TOGARAM1: variants seen among roughly 807,000 people sequenced by gnomAD.
TOGARAM1 encodes the protein TOG array regulator of axonemal microtubules 1.
Under a neutral mutation model 166.6 loss-of-function variants are expected in TOGARAM1, and 100 were observed. The ratio of observed to expected loss-of-function variants is 0.60; its 90% CI spans 0.51 to 0.71. The LOEUF (loss-of-function observed/expected upper bound fraction) is 0.71, where lower values mean the gene tolerates loss of function less well. Among genes scored for constraint, TOGARAM1 ranks in the 30% least tolerant of loss-of-function variants. The probability of loss-of-function intolerance (pLI) is 0.00; values close to 1 mark genes in which losing one functional copy is unlikely to be tolerated. For missense variants in TOGARAM1, 2,029 were observed against 2,102.7 expected (o/e 0.96, Z 0.69); for synonymous variants, 758 against 763.8 (o/e 0.99, Z 0.13).
At chr14:44,969,110 T>TTCCTTCCTTCC in intron 1 of TOGARAM1, among the ~76,000 whole-genome samples, 1 of 139,210 alleles carries the variant, frequency 7.2e-6, no homozygotes, top group African/African-American at 2.9e-5. Context: ...TCTTTCTTTC[T>TTCCTTCCTTCC]TTCCTTCCTT....
intron 1 of TOGARAM1, among the ~76,000 whole-genome samples, chr14:44,975,742 C>G (rs1886146397): frequency 6.7e-6 from 1 of 149,850 alleles, no homozygotes; most frequent in Non-Finnish European, 1.5e-5. Flanking sequence ...GCTGGGATTA[C>G]AGATGTGAGC....
chr14:44,966,860 T>G (rs1041579691), intron 1 of TOGARAM1, among the ~76,000 whole-genome samples: 1 of 152,008 alleles, frequency 6.6e-6, no homozygotes, highest in Non-Finnish European at 1.5e-5. Context: ...GAGGCTGAAG[T>G]GGGAGGATTG....
At chr14:45,002,367 G>C (rs1440020160) in intron 3 of TOGARAM1, among the ~76,000 whole-genome samples, 3 of 152,124 alleles carry the variant, frequency 2.0e-5, no homozygotes, top group Non-Finnish European at 4.4e-5. Context: ...TTAGTGTTTA[G>C]TCATATTGCA....
intron 1 of TOGARAM1, among the ~76,000 whole-genome samples, chr14:44,978,622 T>C (rs1218749378): frequency 6.6e-6 from 1 of 151,796 alleles, no homozygotes; most frequent in Non-Finnish European, 1.5e-5. Flanking sequence ...CTGGACAATA[T>C]GGTAGGACTC....
intron 5 of TOGARAM1, chr14:45,008,228 T>C (rs1879576477): frequency 6.6e-6 from 1 of 151,966 alleles, no homozygotes; most frequent in Non-Finnish European, 1.5e-5. Context: ...ACAATTTGTA[T>C]TCTGGATTTC....
intron 1 of TOGARAM1, among the ~76,000 whole-genome samples, chr14:44,989,830 A>G (rs1197809435): frequency 1.3e-5 from 2 of 152,236 alleles, no homozygotes; most frequent in Admixed American, 6.5e-5. Context: ...GGTAATTTAT[A>G]AAGAAAAGAA....
intron 17 of TOGARAM1, 133 bp downstream of exon 17, chr14:45,066,900 T>A: frequency 1.8e-6 from 1 of 556,200 alleles, no homozygotes; most frequent in Non-Finnish European, 3.1e-6. Context: ...CTGGGCAACA[T>A]AGCAAGACCC....
chr14:44,998,244 A>G (rs898920511), intron 2 of TOGARAM1, among the ~76,000 whole-genome samples: 2 of 152,212 alleles, frequency 1.3e-5, no homozygotes, highest in Non-Finnish European at 2.9e-5. Flanking sequence ...TCTCTGTACC[A>G]TTGAGGAGCT....
At position 45,052,508 on chromosome 14, in the gene TOGARAM1, C is replaced by T; in HGVS notation, c.4386C>T (p.Val1462=). The T allele has an allele frequency of 2.5e-6, 4 of 1,612,460 alleles. No homozygotes were observed. The highest frequency in any genetic ancestry group is 3.4e-6 in the Non-Finnish European group (4 of 1,179,146). Residue 1462 remains valine, a synonymous_variant, in exon 15 of 20, where the codon GTC becomes GTT. Transcript: ENST00000361462. The part of the protein sequence containing the change: ...PNFEKMLEKY[V]PSKDLPYIKD... ...TTGAAAAAATGCTTGAAAAGTATGT[C>T]CCATCTAAAGATTTGCCATATATTA...
At chr14:44,988,919 C>G (rs1219899220) in intron 1 of TOGARAM1, among the ~76,000 whole-genome samples, 1 of 152,222 alleles carries the variant, frequency 6.6e-6, no homozygotes, top group Non-Finnish European at 1.5e-5. Context: ...AAGTATCAGT[C>G]AAGCCTTCAG....
chr14:45,025,617 T>C, intron 7 of TOGARAM1, 166 bp from the exon 8 acceptor site: 1 of 516,940 alleles, frequency 1.9e-6, no homozygotes, highest in South Asian at 2.8e-5. Flanking sequence ...ATTCTAGTAT[T>C]GCAGTTACAA....
rs1374494663 is a variant in TOGARAM1 at position 45,028,750 on chromosome 14, G to A, written c.3658+421G>A. ...TCAAGAGTAGGCTCTATGTTTCCTG[G>A]TGTTGTTTTTTAAAATATTGAATAC... On this transcript the variant is annotated intron_variant, in intron 10 of 19. Coordinates refer to ENST00000361462, the MANE Select transcript of TOGARAM1 (RefSeq NM_001308120.2). Among the ~76,000 whole-genome samples, 10 of 152,084 alleles carry A rather than the reference G, an allele frequency of 6.6e-5. No homozygotes were observed. In the East Asian group the frequency reaches 1.9e-3, roughly 29 times the overall value.
chr14:45,004,530 G>A (rs1887856181), intron 4 of TOGARAM1, among the ~76,000 whole-genome samples, 164 bp downstream of exon 4: 3 of 152,288 alleles, frequency 2.0e-5, no homozygotes, highest in Middle Eastern at 3.4e-3. Context: ...TAAATCAAAT[G>A]TATAAAATTC....
chr14:45,055,785 A>T (rs72672915), intron 16 of TOGARAM1, among the ~76,000 whole-genome samples: 7,053 of 123,830 alleles, frequency 0.057, 245 homozygotes, highest in Non-Finnish European at 0.077. Context: ...GCCTGGGCAG[A>T]GTGAGACTCC....
At chr14:44,975,810 A>T (rs1490899301) in intron 1 of TOGARAM1, among the ~76,000 whole-genome samples, 62 of 117,420 alleles carry the variant, frequency 5.3e-4, no homozygotes, top group African/African-American at 1.9e-3. Context: ...GGTTTGAACC[A>T]TTTTTTTTTT....
chr14:44,968,191 TA>T (rs1465665031), intron 1 of TOGARAM1, among the ~76,000 whole-genome samples: 1 of 152,236 alleles, frequency 6.6e-6, no homozygotes, highest in Non-Finnish European at 1.5e-5. Context: ...AATAAATATC[TA>T]AACAGTTTTA....
At chr14:45,071,069 G>A (rs969213889) in intron 18 of TOGARAM1, among the ~76,000 whole-genome samples, 3 of 149,572 alleles carry the variant, frequency 2.0e-5, no homozygotes, top group Admixed American at 6.7e-5. Context: ...TTACAGGCAC[G>A]CACCACCACG....
At chr14:45,022,138 A>G (rs1429515182) in intron 7 of TOGARAM1, among the ~76,000 whole-genome samples, 1 of 151,918 alleles carries the variant, frequency 6.6e-6, no homozygotes, top group Admixed American at 6.6e-5. Context: ...GACATCTGCG[A>G]TAGTCCCTGG....
intron 13 of TOGARAM1, 88 bp from the exon 14 acceptor site, chr14:45,046,457 A>C (rs1471118128): frequency 1.7e-6 from 2 of 1,184,252 alleles, no homozygotes; most frequent in African/African-American, 3.2e-5. Flanking sequence ...CCAAAATACA[A>C]ACAAACAAAA....
Sources: gnomAD v4.1 joint callset for allele counts (sites outside exome capture counted in the v4.1 genomes callset) on GRCh38, gnomAD v4.1.1 for gene constraint, MANE v1.5 for transcripts, NCBI Gene and HGNC (gene_info 2026-07-23, HGNC 2026-07-21) for gene names.